Variants in B3GALT1 observed in about 807,000 individuals in gnomAD.
The protein encoded by B3GALT1 is beta-1,3-galactosyltransferase 1, also known as UDP-Gal:betaGlcNAc beta 1,3-galactosyltransferase, polypeptide 1.
B3GALT1 carries 10 observed loss-of-function variants against 23.2 expected under a neutral mutation model. The ratio of observed to expected loss-of-function variants is 0.43; its 90% CI spans 0.27 to 0.73. The LOEUF (loss-of-function observed/expected upper bound fraction) is 0.73. B3GALT1 is among the 30% of genes least tolerant of loss of function. The pLI is 0.21. For synonymous variants in B3GALT1, 156 were observed against 141.5 expected, an observed-to-expected ratio of 1.10 and a Z score of -0.73; for missense variants, 299 against 405.4, an observed-to-expected ratio of 0.74 and a Z score of 2.25.
chr2:167,599,378 C>T (rs1174282283), intron 2 of B3GALT1, among the ~76,000 whole-genome samples: 1 of 151,976 alleles, frequency 6.6e-6, no homozygotes, highest in African/African-American at 2.4e-5. Context: ...AATCCAAAAA[C>T]ATAGATAACA....
At chr2:167,519,602 C>T (rs1700157561) in intron 2 of B3GALT1, among the ~76,000 whole-genome samples, 1 of 152,106 alleles carries the variant, frequency 6.6e-6, no homozygotes, top group Non-Finnish European at 1.5e-5. Flanking sequence ...TTACTTTTCA[C>T]ATATTTGATT....
intron 3 of B3GALT1, among the ~76,000 whole-genome samples, chr2:167,710,463 A>T (rs910243344): frequency 3.9e-5 from 6 of 152,172 alleles, no homozygotes; most frequent in Admixed American, 6.5e-5. Context: ...AAAGCTACCC[A>T]AGGGTGGTGA....
intron 3 of B3GALT1, among the ~76,000 whole-genome samples, chr2:167,766,332 A>T (rs1574251567): frequency 6.6e-6 from 1 of 152,240 alleles, no homozygotes; most frequent in South Asian, 2.1e-4. Context: ...TCAAAGAAAA[A>T]CCTTTCTGTA....
At chr2:167,862,093 T>C (rs142898945) in intron 4 of B3GALT1, among the ~76,000 whole-genome samples, 2 of 152,150 alleles carry the variant, frequency 1.3e-5, no homozygotes, top group Non-Finnish European at 2.9e-5. Context: ...CAGTGTTGAC[T>C]TGTATTTGCC....
chr2:167,306,215 AT>A (rs1365249817), intron 1 of B3GALT1, among the ~76,000 whole-genome samples: 3 of 152,070 alleles, frequency 2.0e-5, no homozygotes, highest in Admixed American at 6.6e-5. Flanking sequence ...ATGCACATAC[AT>A]TTGAGAATAA....
chr2:167,533,392 T>C (rs1683365012), intron 2 of B3GALT1, among the ~76,000 whole-genome samples: 1 of 152,176 alleles, frequency 6.6e-6, no homozygotes, highest in African/African-American at 2.4e-5. Context: ...TTTAAGAATC[T>C]ATTAATAGTG....
intron 3 of B3GALT1, among the ~76,000 whole-genome samples, chr2:167,785,953 A>T (rs746666738): frequency 2.0e-5 from 3 of 152,216 alleles, no homozygotes; most frequent in Admixed American, 6.5e-5. Context: ...TAAACTCTTA[A>T]CAACTGTTCA....
rs967209989 is a variant in B3GALT1, at chr2:167,865,815, TA to T, written c.-229-2992del. Among the ~76,000 whole-genome samples the T allele has an allele frequency of 2.0e-4, 31 of 151,790 alleles. 1 individual carries two copies. Among genetic ancestry groups the T allele is most frequent in the African/African-American group, 6.8e-4 (28 of 41,342 alleles). On this transcript the variant is annotated intron_variant, in intron 4 of 4. Transcript: ENST00000392690. ...TCAAAAACAATAAATAAATAAAAAA[TA>T]AAATAAATAAATAAATAAATGGAAC... is the stretch of plus-strand genomic sequence containing the variant.
At chr2:167,780,973 G>T (rs977331814) in intron 3 of B3GALT1, among the ~76,000 whole-genome samples, 10 of 152,186 alleles carry the variant, frequency 6.6e-5, no homozygotes, top group Admixed American at 6.5e-4. Flanking sequence ...TTAATTTTAT[G>T]TCATGTGAAT....
At chr2:167,517,302 C>T (rs924356833) in intron 2 of B3GALT1, among the ~76,000 whole-genome samples, 13 of 151,876 alleles carry the variant, frequency 8.6e-5, no homozygotes, top group Middle Eastern at 3.4e-3. Flanking sequence ...TTAGTAGCAG[C>T]AACCTCAGGT....
intron 3 of B3GALT1, among the ~76,000 whole-genome samples, chr2:167,728,615 G>T (rs530490340): frequency 1.3e-5 from 2 of 152,262 alleles, no homozygotes; most frequent in East Asian, 3.9e-4. Flanking sequence ...CTGTTGACTT[G>T]TTTGGGGGTT....
At chr2:167,615,547 C>G (rs189624965) in intron 2 of B3GALT1, among the ~76,000 whole-genome samples, 31 of 152,060 alleles carry the variant, frequency 2.0e-4, no homozygotes, top group South Asian at 1.7e-3. Context: ...TTAATGTTCT[C>G]ACTACTAAAA....
At chr2:167,339,591 G>A (rs1019152896) in intron 1 of B3GALT1, among the ~76,000 whole-genome samples, 2 of 152,040 alleles carry the variant, frequency 1.3e-5, no homozygotes, top group Non-Finnish European at 2.9e-5. Context: ...TACTTTTTAA[G>A]GTGGGTGGAT....
intron 1 of B3GALT1, among the ~76,000 whole-genome samples, chr2:167,403,267 G>A (rs904826150): frequency 1.0e-4 from 2 of 19,954 alleles, no homozygotes; most frequent in Non-Finnish European, 1.2e-3. Flanking sequence ...GTGAGAACTT[G>A]CGGTGTTTGG....
intron 1 of B3GALT1, among the ~76,000 whole-genome samples, chr2:167,354,547 A>G (rs1252202316): frequency 6.6e-6 from 1 of 151,930 alleles, no homozygotes; most frequent in African/African-American, 2.4e-5. Context: ...GGGTTTCACC[A>G]TGTTGGCCAG....
At chr2:167,648,562 A>T (rs1371995941) in intron 3 of B3GALT1, among the ~76,000 whole-genome samples, 3 of 152,102 alleles carry the variant, frequency 2.0e-5, no homozygotes, top group Admixed American at 1.3e-4. Context: ...TAATGTATAG[A>T]TTTCTCTTGT....
intron 3 of B3GALT1, among the ~76,000 whole-genome samples, chr2:167,751,194 A>T (rs985583224): frequency 6.6e-6 from 1 of 152,220 alleles, no homozygotes; most frequent in African/African-American, 2.4e-5. Context: ...ATTTTGGCAC[A>T]TTACTAAAGA....
chr2:167,643,612 A>G (rs991805305), intron 2 of B3GALT1, among the ~76,000 whole-genome samples: 3 of 152,216 alleles, frequency 2.0e-5, no homozygotes, highest in African/African-American at 7.2e-5. Flanking sequence ...GATTCAAAAC[A>G]TGCCACAACC....
intron 2 of B3GALT1, among the ~76,000 whole-genome samples, chr2:167,583,718 A>G (rs902053753): frequency 4.8e-4 from 73 of 152,166 alleles, no homozygotes; most frequent in African/African-American, 4.8e-4. Context: ...ATCACTTTAC[A>G]TGTCCAGGGC....
Sources: gnomAD v4.1 joint callset for allele counts (sites outside exome capture counted in the v4.1 genomes callset) on GRCh38, gnomAD v4.1.1 for gene constraint, MANE v1.5 for transcripts, NCBI Gene and HGNC (gene_info 2026-07-23, HGNC 2026-07-21) for gene names.